The following KCNH8 variants were observed in gnomAD, a reference collection of about 807,000 sequenced individuals.
KCNH8 encodes the protein potassium voltage-gated channel subfamily H member 8.
KCNH8 carries 70 observed loss-of-function variants against 103.6 expected under a neutral mutation model. The observed-to-expected ratio is 0.68, with a 90% CI of 0.56 to 0.82. KCNH8 has a LOEUF of 0.82. KCNH8 is among the 40% of genes least tolerant of loss of function. The pLI, the probability that KCNH8 is intolerant of heterozygous loss-of-function variation, is 0.00. For synonymous variants in KCNH8, 498 were observed against 489.4 expected, an observed-to-expected ratio of 1.02 and a Z score of -0.23; for missense variants, 1,217 against 1,329.9, an observed-to-expected ratio of 0.92 and a Z score of 1.32.
Position 19,461,721 on chromosome 3 carries a change from GT to G in KCNH8, c.2040+4742del, listed in dbSNP as rs369275829. Among the ~76,000 whole-genome samples the G allele has an allele frequency of 1.1e-3, 174 of 152,258 alleles. 3 individuals carry two copies. In the South Asian group the frequency reaches 0.032, roughly 28 times the overall value. On this transcript the variant is annotated intron_variant, in intron 11 of 15. Transcript: ENST00000328405. ...TAGGGTACATGTGCACAACGTGCAG[GT>G]TTGTTACATAGGTATACATGTGCCA...
intron 1 of KCNH8, among the ~76,000 whole-genome samples, chr3:19,195,625 C>T (rs1414089387): frequency 1.3e-5 from 2 of 151,890 alleles, no homozygotes; most frequent in African/African-American, 2.4e-5. Context: ...TGCAGTTTTT[C>T]GCCTGTCACT....
At chr3:19,335,378 G>T (rs2065568565) in intron 3 of KCNH8, among the ~76,000 whole-genome samples, 1 of 150,684 alleles carries the variant, frequency 6.6e-6, no homozygotes, top group East Asian at 2.0e-4. Flanking sequence ...GTTTACTAAT[G>T]TTTTATTTAG....
intron 7 of KCNH8, among the ~76,000 whole-genome samples, chr3:19,428,305 A>G (rs927610904): frequency 2.6e-5 from 4 of 152,200 alleles, no homozygotes; most frequent in Non-Finnish European, 5.9e-5. Context: ...ATGCCAGAAA[A>G]TATTCTGAGT....
intron 7 of KCNH8, among the ~76,000 whole-genome samples, chr3:19,420,459 G>A (rs1016743929): frequency 1.3e-5 from 2 of 152,106 alleles, no homozygotes; most frequent in African/African-American, 4.8e-5. Flanking sequence ...CAGAGGGAGG[G>A]CGGTATTTCT....
At chr3:19,379,223 C>A (rs2066255259) in intron 5 of KCNH8, among the ~76,000 whole-genome samples, 1 of 152,156 alleles carries the variant, frequency 6.6e-6, no homozygotes. Flanking sequence ...AGTACATGAC[C>A]AGTGGCAATC....
intron 15 of KCNH8, among the ~76,000 whole-genome samples, chr3:19,520,362 T>C (rs987071337): frequency 2.6e-5 from 4 of 151,996 alleles, no homozygotes; most frequent in African/African-American, 9.7e-5. Context: ...TGATTTATTC[T>C]TCGTCGAAGA....
At chr3:19,309,399 G>T (rs1449425142) in intron 3 of KCNH8, among the ~76,000 whole-genome samples, 1 of 151,948 alleles carries the variant, frequency 6.6e-6, no homozygotes, top group Non-Finnish European at 1.5e-5. Context: ...AAGTCAGAAA[G>T]CACATCTTCA....
intron 7 of KCNH8, among the ~76,000 whole-genome samples, chr3:19,421,051 A>G (rs2066943796): frequency 6.6e-6 from 1 of 152,218 alleles, no homozygotes; most frequent in African/African-American, 2.4e-5. Context: ...CTGCCAAGTT[A>G]TAGAATTGGT....
At chr3:19,149,563 G>A (rs1485951967) in intron 1 of KCNH8, among the ~76,000 whole-genome samples, 1 of 151,878 alleles carries the variant, frequency 6.6e-6, no homozygotes, top group East Asian at 1.9e-4. Flanking sequence ...GTTATCATCT[G>A]CAAGTTGTTC....
chr3:19,388,492 C>T (rs146381485), intron 5 of KCNH8, among the ~76,000 whole-genome samples: 3 of 152,166 alleles, frequency 2.0e-5, no homozygotes, highest in African/African-American at 7.2e-5. Flanking sequence ...TCCATCTTTG[C>T]CACGATAGCA....
At chr3:19,503,686 C>A (rs1208247801) in intron 11 of KCNH8, among the ~76,000 whole-genome samples, 4 of 151,196 alleles carry the variant, frequency 2.6e-5, no homozygotes, top group Non-Finnish European at 4.4e-5. Flanking sequence ...GAACAAAAAA[C>A]CAAACACCGC....
intron 3 of KCNH8, among the ~76,000 whole-genome samples, chr3:19,307,471 G>A (rs1255008799): frequency 6.6e-6 from 1 of 151,892 alleles, no homozygotes; most frequent in Non-Finnish European, 1.5e-5. Context: ...CACTACAAAG[G>A]ACAGTACGGA....
chr3:19,288,187 T>TTTC (rs1464822271), intron 3 of KCNH8, among the ~76,000 whole-genome samples: 1 of 137,806 alleles, frequency 7.3e-6, no homozygotes, highest in African/African-American at 3.0e-5. Context: ...ACTTCTTTTT[T>TTTC]TTTTTTTTTT....
chr3:19,348,080 T>C, intron 5 of KCNH8, 115 bp downstream of exon 5: 1 of 1,301,158 alleles, frequency 7.7e-7, no homozygotes, highest in Non-Finnish European at 1.1e-6. Flanking sequence ...TGATTCAGCC[T>C]CTGTTGCAAA....
chr3:19,374,932 C>A (rs546230428), intron 5 of KCNH8, among the ~76,000 whole-genome samples: 1 of 151,950 alleles, frequency 6.6e-6, no homozygotes, highest in African/African-American at 2.4e-5. Flanking sequence ...TGAATATTGG[C>A]CCCCACTCTC....
intron 1 of KCNH8, among the ~76,000 whole-genome samples, chr3:19,243,496 A>G (rs756407002): frequency 5.3e-5 from 8 of 152,208 alleles, no homozygotes; most frequent in Non-Finnish European, 1.0e-4. Flanking sequence ...TGTTTAATCT[A>G]ACATGAGTAC....
intron 5 of KCNH8, among the ~76,000 whole-genome samples, chr3:19,371,843 T>C (rs983693772): frequency 3.3e-5 from 5 of 151,164 alleles, no homozygotes; most frequent in East Asian, 1.9e-4. Flanking sequence ...TAGCCAGTTT[T>C]CCCAGCACCA....
At chr3:19,261,083 G>A (rs1575477409) in intron 2 of KCNH8, among the ~76,000 whole-genome samples, 1 of 150,942 alleles carries the variant, frequency 6.6e-6, no homozygotes, top group East Asian at 2.0e-4. Context: ...GAACATGGGA[G>A]TGCAGATATC....
intron 3 of KCNH8, among the ~76,000 whole-genome samples, chr3:19,328,866 A>G (rs1448022690): frequency 6.6e-6 from 1 of 152,114 alleles, no homozygotes; most frequent in South Asian, 2.1e-4. Context: ...ATATGCAGGG[A>G]CTTTTTTTCT....
Sources: allele counts gnomAD v4.1 joint callset (sites outside exome capture counted in the v4.1 genomes callset), GRCh38; gene constraint gnomAD v4.1.1; transcripts MANE v1.5; gene names NCBI Gene and HGNC (gene_info 2026-07-23, HGNC 2026-07-21).